Variants in MROH1 observed in about 807,000 individuals in gnomAD.
MROH1 encodes the protein maestro heat-like repeat-containing protein family member 1.
MROH1 carries 117 observed loss-of-function variants against 116.5 expected under a neutral mutation model. That is an observed-to-expected ratio of 1.00 (90% CI 0.86 to 1.17). The LOEUF (loss-of-function observed/expected upper bound fraction) is 1.17, where lower values mean the gene tolerates loss of function less well. MROH1 is among the 50% of genes most tolerant of loss of function. MROH1 has a pLI of 0.00. For missense variants in MROH1, 1,873 were observed against 1,338.5 expected, an observed-to-expected ratio of 1.40 and a Z score of -6.23; for synonymous variants, 921 against 583.9, an observed-to-expected ratio of 1.58 and a Z score of -8.32.
intron 14 of MROH1, among the ~76,000 whole-genome samples, chr8:144,234,498 GTTTTTTTT>G (rs1165164431): frequency 1.1e-4 from 2 of 18,102 alleles, no homozygotes; most frequent in Non-Finnish European, 1.2e-4. Context: ...TTTCTTTTTC[GTTTTTTTT>G]TTTTTTTTTT....
chr8:144,232,792 C>CTATT (rs113198206), intron 14 of MROH1, among the ~76,000 whole-genome samples: 3,662 of 137,978 alleles, frequency 0.027, 59 homozygotes, highest in South Asian at 0.041. Flanking sequence ...CGCACCTGGC[C>CTATT]TATTTATTTA....
chr8:144,164,981 C>CTTTG lies in MROH1; in HGVS notation c.22+1149_22+1152dup, dbSNP rs763363345. Among the ~76,000 whole-genome samples, 8 of 151,990 alleles carry CTTTG rather than the reference C, an allele frequency of 5.3e-5. No individual in the cohort carries two copies. In the East Asian group the frequency reaches 9.7e-4, roughly 18 times the overall value. ...GAAGGGACTAGGATGTCCTTCAAGC[C>CTTTG]TTTGTTTGTTTGTTTGTTTTTTAAG... On this transcript the variant is annotated intron_variant, in intron 3 of 43. Transcript: ENST00000326134.
chr8:144,169,052 C>T (rs115829387), intron 4 of MROH1, among the ~76,000 whole-genome samples: 3,554 of 152,328 alleles, frequency 0.023, 116 homozygotes, highest in African/African-American at 0.08. Context: ...TGGCTCTCAC[C>T]TCCCAGGATT....
At chr8:144,249,257 C>A (rs999462218) in intron 32 of MROH1, among the ~76,000 whole-genome samples, 5 of 152,150 alleles carry the variant, frequency 3.3e-5, no homozygotes, top group African/African-American at 1.2e-4. Context: ...AAATCTTTCT[C>A]TTATGTCTGA....
At chr8:144,162,415 A>G (rs1443708859) in intron 2 of MROH1, among the ~76,000 whole-genome samples, 2 of 138,998 alleles carry the variant, frequency 1.4e-5, no homozygotes, top group Non-Finnish European at 3.1e-5. Context: ...TTTTTGAGAC[A>G]GGGCTCGCTC....
intron 39 of MROH1, 37 bp downstream of exon 39, chr8:144,260,411 C>T (rs1844805620): frequency 2.8e-6 from 2 of 703,292 alleles, no homozygotes; most frequent in East Asian, 2.7e-5. Flanking sequence ...AAGAGGGCCC[C>T]AGCCCTTCCT....
intron 10 of MROH1, among the ~76,000 whole-genome samples, chr8:144,197,461 A>T (rs1452658689): frequency 3.7e-5 from 3 of 80,628 alleles, no homozygotes; most frequent in Non-Finnish European, 6.4e-5. Flanking sequence ...TTTGAGACGG[A>T]ATCTTGCTCT....
chr8:144,246,652 C>T (rs911708267), intron 29 of MROH1, among the ~76,000 whole-genome samples: 2 of 152,132 alleles, frequency 1.3e-5, no homozygotes, highest in African/African-American at 4.8e-5. Context: ...ATCAGTGGCG[C>T]CCAAGTAGAT....
intron 7 of MROH1, among the ~76,000 whole-genome samples, chr8:144,184,601 G>A (rs1331309597): frequency 6.6e-6 from 1 of 152,236 alleles, no homozygotes; most frequent in Non-Finnish European, 1.5e-5. Context: ...CCATTAAAGA[G>A]TAAGGAGGTG....
In MROH1 at chr8:144,245,108, C is replaced by G. The variant is rs1841666041; in HGVS notation, c.2767-48C>G. ...CCCACGATGCACAAGGCTCCTGCCCCCAGGGCTGCCCTCTGAGCAGTACCT... is the reference window on the plus strand; with the variant it reads ...CCCACGATGCACAAGGCTCCTGCCCGCAGGGCTGCCCTCTGAGCAGTACCT... On this transcript the variant is annotated intron_variant, in intron 28 of 43. Transcript: ENST00000326134. The G allele has an allele frequency of 2.2e-5, 17 of 778,196 alleles. No individual in the cohort carries two copies. The Middle Eastern group carries it at 1.4e-3, about 62-fold the overall frequency. 48.2% of individuals were successfully genotyped at this position (778,196 alleles called of 1,614,324 possible).
At chr8:144,164,209 A>T (rs904350112) in intron 3 of MROH1, among the ~76,000 whole-genome samples, 7 of 151,172 alleles carry the variant, frequency 4.6e-5, no homozygotes, top group Admixed American at 1.3e-4. Flanking sequence ...GTTTGAGACC[A>T]GCCTGACCAA....
chr8:144,188,559 C>T (rs974765188), intron 7 of MROH1, among the ~76,000 whole-genome samples: 2 of 147,460 alleles, frequency 1.4e-5, no homozygotes, highest in African/African-American at 5.0e-5. Flanking sequence ...CTCTGCCTCC[C>T]GGATTCGAGT....
Position 144,261,656 on chromosome 8 carries a change from G to T in MROH1, c.4842G>T (p.Ala1614=). 1 of 718,610 alleles carries T rather than the reference G, an allele frequency of 1.4e-6. No individual in the cohort carries two copies. The highest frequency in any genetic ancestry group is 2.5e-6 in the Non-Finnish European group (1 of 394,910). 44.5% of individuals were successfully genotyped at this position (718,610 alleles called of 1,614,324 possible). ...GCAGCCCCCCTCCTCTACCCCCAGC[G>T]CTCCAGATCCTGCTGAAGGACCCGG... The part of the protein sequence containing the change: ...PQVDLDQLIA[A]LQILLKDPAP... The change falls in exon 44 of 44, where the codon GCG becomes GCT. Residue 1614 remains alanine, a splice_region_variant and synonymous_variant. Coordinates refer to ENST00000326134, the MANE Select transcript of MROH1 (RefSeq NM_032450.3).
At chr8:144,251,605 TG>T (rs1422703440) in intron 33 of MROH1, 10 of 152,276 alleles carry the variant, frequency 6.6e-5, no homozygotes, top group African/African-American at 2.4e-4. Flanking sequence ...GCTGGGCTGC[TG>T]GGCGCCCGAG....
At chr8:144,217,274 CAG>C (rs369765105) in intron 12 of MROH1, among the ~76,000 whole-genome samples, 102 of 152,328 alleles carry the variant, frequency 6.7e-4, no homozygotes, top group African/African-American at 2.3e-3. Flanking sequence ...TGCTTTCTAA[CAG>C]TTCAGTGTAC....
chr8:144,161,629 T>A (rs1042117422), intron 2 of MROH1, among the ~76,000 whole-genome samples: 1 of 152,226 alleles, frequency 6.6e-6, no homozygotes, highest in Non-Finnish European at 1.5e-5. Flanking sequence ...TGGTTTCTTG[T>A]GTCTCGTCCA....
chr8:144,235,601 C>T (rs1166339646), intron 14 of MROH1, among the ~76,000 whole-genome samples: 16 of 152,094 alleles, frequency 1.1e-4, no homozygotes, highest in African/African-American at 2.9e-4. Flanking sequence ...ATGAGCTTGT[C>T]GTTTTTGTTC....
intron 7 of MROH1, among the ~76,000 whole-genome samples, chr8:144,183,754 C>T (rs1396464274): frequency 6.6e-6 from 1 of 152,020 alleles, no homozygotes; most frequent in Admixed American, 6.6e-5. Flanking sequence ...TCACGCCATT[C>T]GCCTGCCTCA....
At position 144,198,893 on chromosome 8, in the gene MROH1, C is replaced by T. The variant is rs115586654; in HGVS notation, c.949-229C>T. On this transcript the variant is annotated intron_variant, in intron 10 of 43. Coordinates refer to ENST00000326134, the MANE Select transcript of MROH1 (RefSeq NM_032450.3). ...TGCCTGTCTCCCTCCTCTCCCCCAC[C>T]GTAAGGAGATGGGGCTGGTCCCTGG... is the stretch of plus-strand genomic sequence containing the variant. 4.9e-3 allele frequency among the ~76,000 whole-genome samples: 745 copies of T among 152,206 alleles called. 10 individuals are homozygous for T. The highest frequency in any genetic ancestry group is 0.017 in the African/African-American group (723 of 41,524).
Sources: allele counts gnomAD v4.1 joint callset (sites outside exome capture counted in the v4.1 genomes callset), GRCh38; gene constraint gnomAD v4.1.1; transcripts MANE v1.5; gene names NCBI Gene and HGNC (gene_info 2026-07-23, HGNC 2026-07-21).